TMEM196: variants seen among roughly 807,000 people sequenced by gnomAD.
TMEM196 encodes transmembrane protein 196.
Under a neutral mutation model 20.0 loss-of-function variants are expected in TMEM196, and 17 were observed. The observed-to-expected ratio is 0.85, with a 90% CI of 0.58 to 1.27. The LOEUF (loss-of-function observed/expected upper bound fraction) is 1.27, where lower values mean the gene tolerates loss of function less well. TMEM196 is among the 50% of genes most tolerant of loss of function. The pLI is 0.00. For missense variants in TMEM196, 267 were observed against 223.0 expected (o/e 1.20, Z -1.26); for synonymous variants, 113 against 88.9 (o/e 1.27, Z -1.52).
intron 1 of TMEM196, among the ~76,000 whole-genome samples, chr7:19,763,443 T>C (rs894519450): frequency 2.6e-5 from 4 of 152,180 alleles, no homozygotes; most frequent in African/African-American, 4.8e-5. Flanking sequence ...TATGTCTCTG[T>C]TTGGTAGAAC....
At chr7:19,744,890 A>G (rs907343702) in intron 1 of TMEM196, among the ~76,000 whole-genome samples, 6 of 152,196 alleles carry the variant, frequency 3.9e-5, no homozygotes, top group African/African-American at 1.4e-4. Context: ...AAGATGCAAA[A>G]CAAAAAAAGC....
Position 19,719,934 on chromosome 7 carries a change from G to A in TMEM196, c.*2194C>T, listed in dbSNP as rs1197180290. 1 of 151,954 alleles carries A rather than the reference G, an allele frequency of 6.6e-6. No homozygotes were observed. The highest frequency in any genetic ancestry group is 2.4e-5 in the African/African-American group (1 of 41,400). 9.4% of individuals were successfully genotyped at this position (151,954 alleles called of 1,614,324 possible). On this transcript the variant is annotated 3_prime_UTR_variant, in exon 5 of 5. Transcript: ENST00000405844. ...GTTATGTTATAGATCAGTTCAAAAG[G>A]CATTACAACATTTTTCTGATGTATT...
At chr7:19,767,099 C>G (rs1031021141) in intron 1 of TMEM196, among the ~76,000 whole-genome samples, 1 of 152,014 alleles carries the variant, frequency 6.6e-6, no homozygotes, top group Non-Finnish European at 1.5e-5. Flanking sequence ...GAACAAAAAT[C>G]TCAAAGCAGA....
intron 1 of TMEM196, among the ~76,000 whole-genome samples, chr7:19,744,786 G>T (rs951742897): frequency 6.6e-6 from 1 of 151,978 alleles, no homozygotes; most frequent in African/African-American, 2.4e-5. Context: ...TCAAAAGTTT[G>T]TAACACTGAC....
chr7:19,770,174 C>A (rs1172135363), intron 1 of TMEM196, among the ~76,000 whole-genome samples: 2 of 152,166 alleles, frequency 1.3e-5, no homozygotes, highest in African/African-American at 4.8e-5. Flanking sequence ...CCATCCCAAT[C>A]TTTCTCCCCC....
At position 19,725,588 on chromosome 7, in the gene TMEM196, C is replaced by A; in HGVS notation, c.385G>T (p.Ala129Ser). 1 of 1,614,076 alleles carries A rather than the reference C, an allele frequency of 6.2e-7. No homozygotes were observed. The highest frequency in any genetic ancestry group is 8.5e-7 in the Non-Finnish European group (1 of 1,179,992). Residue 129 changes from alanine (A) to serine (S), a missense_variant, in exon 3 of 5, where the codon GCC (alanine) becomes TCC (serine). Ala to Ser is a moderately conservative substitution (Grantham distance 99, BLOSUM62 1). Coordinates refer to ENST00000405844, the MANE Select transcript of TMEM196 (RefSeq NM_001363562.2). ...TLSSWLTCRLASYEQRRMFSE... is the reference protein window; with the variant it reads ...TLSSWLTCRLSSYEQRRMFSE... The stretch of plus-strand genomic sequence containing the variant: ...AACATCCTCCTCTGTTCATAACTGG[C>A]TAGTCGACAAGTGAGCCAGGAAGAG...
chr7:19,741,146 A>C (rs1271700061), intron 1 of TMEM196, among the ~76,000 whole-genome samples: 3 of 152,160 alleles, frequency 2.0e-5, no homozygotes, highest in Non-Finnish European at 4.4e-5. Context: ...GTTTATGAAG[A>C]AAATAAATTA....
intron 1 of TMEM196, among the ~76,000 whole-genome samples, chr7:19,756,490 A>C (rs1237767312): frequency 6.6e-6 from 1 of 152,086 alleles, no homozygotes; most frequent in Non-Finnish European, 1.5e-5. Context: ...TAGATTCATT[A>C]GTTATTTTTC....
chr7:19,734,292 A>G (rs1370133474), intron 1 of TMEM196, among the ~76,000 whole-genome samples: 1 of 152,248 alleles, frequency 6.6e-6, no homozygotes, highest in Non-Finnish European at 1.5e-5. Flanking sequence ...ATGTATATCC[A>G]GCCAAACTCT....
chr7:19,750,790 A>G (rs750639760), intron 1 of TMEM196, among the ~76,000 whole-genome samples: 8 of 152,188 alleles, frequency 5.3e-5, no homozygotes, highest in Non-Finnish European at 1.0e-4. Flanking sequence ...CACAATCTAC[A>G]CCAAAAATAT....
chr7:19,761,484 T>C (rs370154081), intron 1 of TMEM196, among the ~76,000 whole-genome samples: 14 of 150,312 alleles, frequency 9.3e-5, no homozygotes, highest in African/African-American at 2.7e-4. Context: ...ATCAACTTCA[T>C]AGAAAAATAA....
At chr7:19,747,124 G>A (rs569152878) in intron 1 of TMEM196, among the ~76,000 whole-genome samples, 17 of 150,624 alleles carry the variant, frequency 1.1e-4, no homozygotes, top group Non-Finnish European at 2.1e-4. Flanking sequence ...GCGTAGTGGC[G>A]GGCGCCTGTA....
In TMEM196 at chr7:19,724,272, C is replaced by T. The variant is rs1192313507; in HGVS notation, c.533+8G>A. 7.1e-6 allele frequency: 11 copies of T among 1,550,154 alleles called. No homozygotes were observed. Among genetic ancestry groups the T allele is most frequent in the Non-Finnish European group, 8.7e-6 (10 of 1,146,758 alleles). On this transcript the variant is annotated splice_region_variant and intron_variant, in intron 4 of 4. Transcript: ENST00000405844. ...TACAACATGGTAACTCCCTAGAAAT[C>T]AGCGTACCTTGTAGGTAACTCTGGT...
chr7:19,720,545 T>A lies in TMEM196; in HGVS notation c.*1583A>T, dbSNP rs1333248654. On this transcript the variant is annotated 3_prime_UTR_variant, in exon 5 of 5. Coordinates refer to ENST00000405844, the MANE Select transcript of TMEM196 (RefSeq NM_001363562.2). ...GGAAAAAGAAAAGTATACAATATAG[T>A]GAGAGTTATGTATTTAAAAATGATA... is the stretch of plus-strand genomic sequence containing the variant. The A allele has an allele frequency of 6.6e-6, 1 of 151,924 alleles. No homozygotes were observed. Among genetic ancestry groups the A allele is most frequent in the Non-Finnish European group, 1.5e-5 (1 of 67,846 alleles). The allele number at this position is 151,924 out of a possible 1,614,324, so 9.4% of individuals were successfully genotyped here. A position where few individuals can be genotyped will look rare whatever the true frequency, so the allele number is the denominator to read the frequency against.
chr7:19,723,927 C>A lies in TMEM196; in HGVS notation c.533+353G>T, dbSNP rs1583412986. ...AGGAAAATACACAGTTTGTCTTTAT[C>A]CAGACATATCTATTATTAAAAACAA... On this transcript the variant is annotated intron_variant, in intron 4 of 4. Coordinates refer to ENST00000405844, the MANE Select transcript of TMEM196 (RefSeq NM_001363562.2). 2.0e-5 allele frequency among the ~76,000 whole-genome samples: 3 copies of A among 152,074 alleles called. No homozygotes were observed. In the South Asian group the frequency reaches 6.2e-4, roughly 32 times the overall value.
rs75960777 is a variant in TMEM196, at chr7:19,741,129, C to T, written c.148-11691G>A. Among the ~76,000 whole-genome samples, 137 of 152,190 alleles carry T rather than the reference C, an allele frequency of 9.0e-4. No homozygotes were observed. The East Asian group carries it at 0.011, about 12-fold the overall frequency. ...TTGAAAAAGGAATTATGCTCTGTGA[C>T]GGGCGAGTTTATGAAGAAAATAAAT... On this transcript the variant is annotated intron_variant, in intron 1 of 4. Transcript: ENST00000405844.
chr7:19,724,062 T>G (rs1240499536), intron 4 of TMEM196, among the ~76,000 whole-genome samples: 1 of 152,164 alleles, frequency 6.6e-6, no homozygotes, highest in African/African-American at 2.4e-5. Context: ...ATAGGCGGGC[T>G]GAGTATTTTA....
chr7:19,761,818 A>G (rs1234620573), intron 1 of TMEM196, among the ~76,000 whole-genome samples: 1 of 152,182 alleles, frequency 6.6e-6, no homozygotes, highest in African/African-American at 2.4e-5. Flanking sequence ...TCCAAGTCCA[A>G]AAAAATCTCA....
intron 1 of TMEM196, among the ~76,000 whole-genome samples, chr7:19,745,676 T>C (rs1246701663): frequency 2.0e-5 from 3 of 149,126 alleles, no homozygotes; most frequent in Non-Finnish European, 4.4e-5. Context: ...AAAGCACGAA[T>C]CTTCTTCCTG....
Sources: gnomAD v4.1 joint callset for allele counts (sites outside exome capture counted in the v4.1 genomes callset) on GRCh38, gnomAD v4.1.1 for gene constraint, MANE v1.5 for transcripts, NCBI Gene and HGNC (gene_info 2026-07-23, HGNC 2026-07-21) for gene names.